The following UTP14A variants were observed in gnomAD, a reference collection of about 807,000 sequenced individuals.
UTP14A encodes UTP14A small subunit processome component.
In UTP14A, 5 loss-of-function variants were observed where a neutral mutation model predicts 57.2. The ratio of observed to expected loss-of-function variants is 0.09; its 90% CI spans 0.05 to 0.18. UTP14A has a LOEUF of 0.18. UTP14A is among the 10% of genes least tolerant of loss of function. The pLI is 1.00. For synonymous variants in UTP14A, 169 were observed against 210.9 expected (o/e 0.80, Z 1.72); for missense variants, 430 against 562.1 (o/e 0.76, Z 2.38).
chrX:129,912,019 G>A (rs971110908), intron 6 of UTP14A, 98 bp downstream of exon 6: 3 of 1,044,416 alleles, frequency 2.9e-6, no homozygotes, highest in Non-Finnish European at 3.9e-6. Context: ...CTAAACCCCA[G>A]CATAAGTCAT....
rs1444448515 is a variant in UTP14A at position 129,920,344 on chromosome X, T to C, written c.753-113T>C. 9 of 1,063,520 alleles carry C rather than the reference T, an allele frequency of 8.5e-6. No individual in the cohort carries two copies. The South Asian group carries it at 1.8e-4, about 21-fold the overall frequency. 87.6% of individuals were successfully genotyped at this position (1,063,520 alleles called of 1,213,427 possible). ...GACTCCCTATAGCCAACTAGCTCTA[T>C]GATGCCCATTCCAGCCCCCTGCCTA... On this transcript the variant is annotated intron_variant, in intron 8 of 14. Coordinates refer to ENST00000394422, the MANE Select transcript of UTP14A (RefSeq NM_006649.4).
At chrX:129,918,391 G>GA (rs1445525271) in intron 6 of UTP14A, among the ~76,000 whole-genome samples, 71 of 21,437 alleles carry the variant, frequency 3.3e-3, no homozygotes, top group African/African-American at 0.013. Flanking sequence ...CTCTGTCTCA[G>GA]AAAACAAAAA....
intron 14 of UTP14A, among the ~76,000 whole-genome samples, chrX:129,928,701 C>T (rs1419023830): frequency 1.2e-4 from 13 of 111,432 alleles, no homozygotes; most frequent in Non-Finnish European, 1.1e-4. Context: ...TTGCAGTGAG[C>T]GGAGATCGTG....
intron 12 of UTP14A, 137 bp from the exon 13 acceptor site, chrX:129,925,774 TGTGCACTG>T (rs1223534486): frequency 2.9e-6 from 2 of 679,944 alleles, no homozygotes; most frequent in Admixed American, 3.5e-5. Context: ...CATGATTGGC[TGTGCACTG>T]GTTTGTATCG....
intron 6 of UTP14A, among the ~76,000 whole-genome samples, chrX:129,915,353 G>A (rs757568589): frequency 5.7e-4 from 63 of 110,922 alleles, no homozygotes; most frequent in Non-Finnish European, 9.3e-4. Context: ...GTGAAACCCC[G>A]TCTCTACTAA....
chrX:129,914,110 A>G (rs1023387420), intron 6 of UTP14A, among the ~76,000 whole-genome samples: 1 of 112,241 alleles, frequency 8.9e-6, no homozygotes, highest in African/African-American at 3.2e-5. Flanking sequence ...CATGCCGTTC[A>G]TTCATTCTAA....
chrX:129,922,597 G>C (rs1369666471), intron 11 of UTP14A: 1 of 110,187 alleles, frequency 9.1e-6, no homozygotes, highest in Admixed American at 9.8e-5. Flanking sequence ...CTAAGTTTTT[G>C]TAGAGACTGA....
intron 1 of UTP14A, 105 bp downstream of exon 1, chrX:129,906,341 C>T (rs1929258638): frequency 1.3e-6 from 1 of 789,331 alleles, no homozygotes; most frequent in Non-Finnish European, 1.9e-6. Context: ...CAGTGGTTCC[C>T]CTGAAGAGCT....
chrX:129,928,633 A>G (rs181539659), intron 14 of UTP14A, among the ~76,000 whole-genome samples: 5 of 109,903 alleles, frequency 4.5e-5, no homozygotes, highest in African/African-American at 1.7e-4. Context: ...GGGCACCTGT[A>G]GTCCCAGCTA....
At position 129,911,883 on chromosome X, in the gene UTP14A, G is replaced by A. The variant is rs1929485613; in HGVS notation, c.499G>A (p.Ala167Thr). The A allele has an allele frequency of 1.7e-6, 2 of 1,209,507 alleles. No individual in the cohort carries two copies. Among genetic ancestry groups the A allele is most frequent in the Admixed American group, 2.2e-5 (1 of 45,561 alleles). ...LVFPLEKEEP[A>T]IAPIEHVLSG... ...TTTTCCCCTGGAGAAAGAGGAGCCAGCCATTGCTCCCATTGAACATGTGCT... is the reference window on the plus strand; with the variant it reads ...TTTTCCCCTGGAGAAAGAGGAGCCAACCATTGCTCCCATTGAACATGTGCT... Residue 167 changes from alanine to threonine, a missense_variant, in exon 6 of 15, where the codon GCC (alanine) becomes ACC (threonine). Ala to Thr is a moderately conservative substitution (Grantham distance 58). Coordinates refer to ENST00000394422, the MANE Select transcript of UTP14A (RefSeq NM_006649.4).
chrX:129,913,270 T>A, intron 6 of UTP14A: 1 of 304,132 alleles, frequency 3.3e-6, no homozygotes, highest in South Asian at 3.2e-5. Flanking sequence ...ATAAGCTGTT[T>A]CTGATGTTTT....
At chrX:129,909,334 C>T (rs1007306891) in intron 4 of UTP14A, among the ~76,000 whole-genome samples, 5 of 109,343 alleles carry the variant, frequency 4.6e-5, no homozygotes, top group Middle Eastern at 4.6e-3. Flanking sequence ...CTCAGCCTCC[C>T]GAGTATCTGG....
chrX:129,920,196 A>T, intron 8 of UTP14A, among the ~76,000 whole-genome samples: 1 of 110,883 alleles, frequency 9.0e-6, no homozygotes, highest in Non-Finnish European at 1.9e-5. Flanking sequence ...CTAAAAAAAA[A>T]AATGAAACTT....
rs1055033 is a variant in UTP14A, at chrX:129,929,608, A to G, written c.2316A>G (p.Ter772TrpextTer21). The G allele has an allele frequency of 1.1e-5, 13 of 1,205,669 alleles. No individual in the cohort carries two copies. Among genetic ancestry groups the G allele is most frequent in the Non-Finnish European group, 1.5e-5 (13 of 891,752 alleles). Residue 772 changes from the stop codon to tryptophan, a stop_lost, in exon 15 of 15, where the codon TGA becomes TGG. Transcript: ENST00000394422. Reference protein sequence around the residue: ...KKQLKKCSVD* With the variant: ...KKQLKKCSVDW ...AGCTGAAGAAATGCTCTGTAGATTG[A>G]GTTGCTGGAGGAGTGACAGCCAGGA...
At chrX:129,926,778 G>C (rs778431381) in intron 14 of UTP14A, among the ~76,000 whole-genome samples, 7 of 111,770 alleles carry the variant, frequency 6.3e-5, no homozygotes, top group African/African-American at 2.3e-4. Context: ...CAGAATTCAA[G>C]GCTGCTCTGG....
At chrX:129,907,842 G>A (rs1457684743) in intron 2 of UTP14A, among the ~76,000 whole-genome samples, 1 of 111,626 alleles carries the variant, frequency 9.0e-6, no homozygotes, top group African/African-American at 3.3e-5. Context: ...TGTAGTCCCA[G>A]CTACTTGGGA....
chrX:129,926,460 C>A, intron 14 of UTP14A, 121 bp downstream of exon 14: 1 of 602,347 alleles, frequency 1.7e-6, no homozygotes, highest in Non-Finnish European at 2.6e-6. Flanking sequence ...AGAATCAAAT[C>A]TGTTGTTTTC....
chrX:129,920,691 A>G lies in UTP14A; in HGVS notation c.893A>G (p.Lys298Arg). Residue 298 changes from lysine to arginine, a missense_variant, in exon 10 of 15, where the codon AAG (lysine) becomes AGG (arginine). Transcript: ENST00000394422. ...KARMMERMSL[K>R]HQNSGKWAKS... is the part of the protein sequence containing the mutation. ...TCTTTCTAGGAAAGAATGAGCCTTA[A>G]GCACCAAAACAGTGGGAAATGGGCC... is the stretch of plus-strand genomic sequence containing the variant. 1 of 1,210,913 alleles carries G rather than the reference A, an allele frequency of 8.3e-7. No homozygotes were observed. The highest frequency in any genetic ancestry group is 1.7e-5 in the African/African-American group (1 of 57,449).
chrX:129,911,010 T>C lies in UTP14A; in HGVS notation c.241T>C (p.Ser81Pro). The part of the protein sequence containing the change: ...VSEFNVSSEG[S>P]GEKLVLADLL... ...CAGAAAGTTTGACCTTTCCACAGGA[T>C]CAGGAGAAAAGCTGGTCCTTGCAGA... Residue 81 changes from serine to proline, a missense_variant and splice_region_variant, in exon 5 of 15, where the codon TCA (serine) becomes CCA (proline). Physicochemically the swap from Ser to Pro is moderately conservative, Grantham distance 74 (BLOSUM62 -1). Coordinates refer to ENST00000394422, the MANE Select transcript of UTP14A (RefSeq NM_006649.4). 8.3e-7 allele frequency: 1 copy of C among 1,210,973 alleles called. No homozygotes were observed. Among genetic ancestry groups the C allele is most frequent in the South Asian group, 1.8e-5 (1 of 56,787 alleles).
Sources: gnomAD v4.1 joint callset for allele counts (sites outside exome capture counted in the v4.1 genomes callset) on GRCh38, gnomAD v4.1.1 for gene constraint, MANE v1.5 for transcripts, NCBI Gene and HGNC (gene_info 2026-07-23, HGNC 2026-07-21) for gene names.